Variants in RBFOX1 observed in about 807,000 individuals in gnomAD.
The protein encoded by RBFOX1 is RNA binding fox-1 homolog 1.
In RBFOX1, 8 loss-of-function variants were observed where a neutral mutation model predicts 57.7. The ratio of observed to expected loss-of-function variants is 0.14; its 90% CI spans 0.08 to 0.25. RBFOX1 has a LOEUF of 0.25. Among genes scored for constraint, RBFOX1 ranks in the 10% least tolerant of loss-of-function variants. The probability of loss-of-function intolerance (pLI) is 1.00; values close to 1 mark genes in which losing one functional copy is unlikely to be tolerated. For missense variants in RBFOX1, 611 were observed against 548.5 expected, an observed-to-expected ratio of 1.11 and a Z score of -1.14; for synonymous variants, 326 against 222.4, an observed-to-expected ratio of 1.47 and a Z score of -4.15.
At chr16:7,602,469 T>G (rs2095080242) in intron 9 of RBFOX1, among the ~76,000 whole-genome samples, 1 of 152,186 alleles carries the variant, frequency 6.6e-6, no homozygotes, top group Non-Finnish European at 1.5e-5. Flanking sequence ...TTAATGTCCT[T>G]GATCAAAATC....
chr16:7,709,372 C>A, intron 15 of RBFOX1: 1 of 1,139,146 alleles, frequency 8.8e-7, no homozygotes, highest in Non-Finnish European at 1.2e-6. Context: ...CCTAGCAGAG[C>A]ACTTACCTTA....
chr16:5,524,235 C>G (rs2044142001), intron 2 of RBFOX1, among the ~76,000 whole-genome samples: 1 of 152,130 alleles, frequency 6.6e-6, no homozygotes, highest in Admixed American at 6.5e-5. Context: ...ACGTGCAAAC[C>G]AGAGTAACTC....
intron 4 of RBFOX1, among the ~76,000 whole-genome samples, chr16:7,107,884 C>G (rs1364892554): frequency 1.3e-5 from 2 of 152,042 alleles, no homozygotes; most frequent in Non-Finnish European, 2.9e-5. Context: ...CCTGTGTTTG[C>G]TTGATGCTAA....
At chr16:6,952,955 A>G (rs1386278071) in intron 3 of RBFOX1, among the ~76,000 whole-genome samples, 1 of 152,160 alleles carries the variant, frequency 6.6e-6, no homozygotes, top group Non-Finnish European at 1.5e-5. Context: ...CCTGGGGGAC[A>G]GAGCAAAATT....
At chr16:6,559,396 A>G (rs1376919528) in intron 2 of RBFOX1, among the ~76,000 whole-genome samples, 1 of 152,128 alleles carries the variant, frequency 6.6e-6, no homozygotes, top group African/African-American at 2.4e-5. Flanking sequence ...ATAGATATAG[A>G]TCCACACACA....
chr16:6,484,668 G>A (rs1371501544), intron 2 of RBFOX1, among the ~76,000 whole-genome samples: 1 of 152,094 alleles, frequency 6.6e-6, no homozygotes, highest in African/African-American at 2.4e-5. Flanking sequence ...GGGAAATTGG[G>A]GGTTTTATTA....
chr16:7,439,202 G>C (rs766100915), intron 4 of RBFOX1, among the ~76,000 whole-genome samples: 2 of 152,154 alleles, frequency 1.3e-5, no homozygotes, highest in East Asian at 1.9e-4. Context: ...AGGAGGCCTT[G>C]AACTCAGAAA....
chr16:6,964,738 C>T (rs112965395), intron 3 of RBFOX1, among the ~76,000 whole-genome samples: 2 of 152,146 alleles, frequency 1.3e-5, no homozygotes, highest in African/African-American at 4.8e-5. Context: ...AAGCACTTGT[C>T]CCTGCAATTC....
At chr16:7,496,674 G>A (rs2068745392) in intron 4 of RBFOX1, among the ~76,000 whole-genome samples, 1 of 127,728 alleles carries the variant, frequency 7.8e-6, no homozygotes, top group African/African-American at 3.0e-5. Context: ...TTCCAACAAT[G>A]TAAACCTTAA....
chr16:6,571,426 C>T (rs138839788), intron 2 of RBFOX1, among the ~76,000 whole-genome samples: 2 of 152,278 alleles, frequency 1.3e-5, no homozygotes, highest in African/African-American at 4.8e-5. Context: ...ATGGCAGAGA[C>T]CCAGTGCTCG....
exon 3 of RBFOX1, chr16:5,598,913 T>C (rs1377059614): frequency 1.3e-6 from 2 of 1,524,548 alleles, no homozygotes; most frequent in Non-Finnish European, 1.8e-6. Flanking sequence ...ACTACAAGTC[T>C]GAAAATTCAA....
At chr16:5,663,705 G>C (rs776501074) in intron 3 of RBFOX1, among the ~76,000 whole-genome samples, 1 of 152,194 alleles carries the variant, frequency 6.6e-6, no homozygotes, top group Non-Finnish European at 1.5e-5. Context: ...ACGTCATGTA[G>C]AGCGCCCTGC....
At chr16:5,820,178 C>T (rs1486354469) in intron 3 of RBFOX1, among the ~76,000 whole-genome samples, 2 of 152,190 alleles carry the variant, frequency 1.3e-5, no homozygotes, top group Non-Finnish European at 2.9e-5. Flanking sequence ...AAGCAGAGCT[C>T]ATGGGGATTA....
chr16:5,496,641 A>G (rs1033581324), intron 2 of RBFOX1, among the ~76,000 whole-genome samples: 3 of 152,186 alleles, frequency 2.0e-5, no homozygotes, highest in African/African-American at 7.2e-5. Context: ...CAAACGCCCA[A>G]TAAACGAGGG....
rs572968187 is a variant in RBFOX1, at chr16:7,120,211, C to G, written c.27+68113C>G. On this transcript the variant is annotated intron_variant, in intron 4 of 15. Transcript: ENST00000550418. The stretch of plus-strand genomic sequence containing the variant: ...AGTGCTTAGAGGGAAATACATAATG[C>G]TAAGTGCTTCTATTAGAGAATAAGA... Among the ~76,000 whole-genome samples the G allele has an allele frequency of 1.1e-4, 16 of 151,972 alleles. No homozygotes were observed. The East Asian group carries it at 2.3e-3, about 22-fold the overall frequency.
At position 6,214,106 on chromosome 16, in the gene RBFOX1, C is replaced by T. The variant is rs567573964; in HGVS notation, c.-126-102889C>T. Among the ~76,000 whole-genome samples the T allele has an allele frequency of 2.0e-5, 3 of 152,320 alleles. No individual in the cohort carries two copies. In the South Asian group the frequency reaches 6.2e-4, roughly 32 times the overall value. On this transcript the variant is annotated intron_variant, in intron 1 of 15. Transcript: ENST00000550418. ...TTCACTCCAAGAGCATGAGTGGGTG[C>T]CTTGTTCCTAGTTCCTCAAATGAGA...
chr16:7,185,624 T>C (rs1038248725), intron 4 of RBFOX1, among the ~76,000 whole-genome samples: 8 of 152,322 alleles, frequency 5.3e-5, no homozygotes, highest in South Asian at 2.1e-4. Context: ...TGGACTAATA[T>C]TTGTGTGTCA....
intron 4 of RBFOX1, among the ~76,000 whole-genome samples, chr16:7,320,412 C>G (rs546918156): frequency 6.6e-6 from 1 of 152,286 alleles, no homozygotes; most frequent in South Asian, 2.1e-4. Flanking sequence ...ATGATCTCAT[C>G]CTTTTTTATG....
intron 9 of RBFOX1, among the ~76,000 whole-genome samples, chr16:7,598,798 C>T (rs1413135215): frequency 6.6e-6 from 1 of 152,092 alleles, no homozygotes; most frequent in African/African-American, 2.4e-5. Context: ...TAGACTAATT[C>T]ATTTCAGTGG....
Sources: gnomAD v4.1 joint callset for allele counts (sites outside exome capture counted in the v4.1 genomes callset) on GRCh38, gnomAD v4.1.1 for gene constraint, MANE v1.5 for transcripts, NCBI Gene and HGNC (gene_info 2026-07-23, HGNC 2026-07-21) for gene names.